Variants in ART4 observed in about 807,000 individuals in gnomAD.
ART4 encodes the protein ecto-ADP-ribosyltransferase 4.
In ART4, 14 loss-of-function variants were observed where a neutral mutation model predicts 24.2. The ratio of observed to expected loss-of-function variants is 0.58; its 90% CI spans 0.38 to 0.90. The LOEUF is 0.90. ART4 is among the 40% of genes least tolerant of loss of function. The pLI is 0.00. For missense variants in ART4, 356 were observed against 366.6 expected, an observed-to-expected ratio of 0.97 and a Z score of 0.24; for synonymous variants, 145 against 139.9, an observed-to-expected ratio of 1.04 and a Z score of -0.26.
At chr12:14,836,485 A>G (rs1267421312) in intron 2 of ART4, among the ~76,000 whole-genome samples, 2 of 152,190 alleles carry the variant, frequency 1.3e-5, no homozygotes, top group African/African-American at 2.4e-5. Flanking sequence ...AGAATGGCAT[A>G]CCATTTAAAA....
chr12:14,836,369 G>A (rs1045639632), intron 2 of ART4, among the ~76,000 whole-genome samples: 14 of 151,964 alleles, frequency 9.2e-5, no homozygotes, highest in Admixed American at 6.6e-4. Context: ...CTGCAGTACC[G>A]AGACAGCAGA....
chr12:14,842,794 T>G (rs1169794458), intron 1 of ART4, among the ~76,000 whole-genome samples, 176 bp downstream of exon 1: 1 of 152,220 alleles, frequency 6.6e-6, no homozygotes, highest in Non-Finnish European at 1.5e-5. Context: ...CAGTGAAGGA[T>G]TCTACAATTT....
chr12:14,839,376 G>A (rs149947994), intron 2 of ART4, among the ~76,000 whole-genome samples: 7 of 152,284 alleles, frequency 4.6e-5, no homozygotes, highest in Non-Finnish European at 7.3e-5. Flanking sequence ...GTCTTAGTCT[G>A]TTTTCTGTTG....
chr12:14,841,094 G>A lies in ART4; in HGVS notation c.204C>T (p.Gly68=), dbSNP rs1379360965. The change falls in exon 2 of 3, where the codon GGC becomes GGT. Residue 68 remains glycine (G), a synonymous_variant. Coordinates refer to ENST00000228936, the MANE Select transcript of ART4 (RefSeq NM_021071.4). ...APGSFDDQYQ[G]CSKQVMEKLT... ...GTTTCTCCATAACCTGTTTGCTACAGCCTTGGTACTGATCATCAAAAGAAC... is the reference window on the plus strand; with the variant it reads ...GTTTCTCCATAACCTGTTTGCTACAACCTTGGTACTGATCATCAAAAGAAC... 1 of 1,611,050 alleles carries A rather than the reference G, an allele frequency of 6.2e-7. No homozygotes were observed. Among genetic ancestry groups the A allele is most frequent in the African/African-American group, 1.3e-5 (1 of 74,740 alleles).
intron 2 of ART4, among the ~76,000 whole-genome samples, chr12:14,835,496 T>C (rs867091484): frequency 2.0e-5 from 3 of 151,664 alleles, no homozygotes; most frequent in African/African-American, 7.3e-5. Context: ...ATAAATCACT[T>C]TAAGGACCTT....
chr12:14,827,693 T>C lies in ART4; in HGVS notation c.*1678A>G, dbSNP rs991398416. Reference sequence around the variant, plus strand: ...CTGGGATTACAGGGGTGAGCCACCATGCCTGGCAGAAATTCTTTCCTTTAT... The same window carrying C: ...CTGGGATTACAGGGGTGAGCCACCACGCCTGGCAGAAATTCTTTCCTTTAT... On this transcript the variant is annotated 3_prime_UTR_variant, in exon 3 of 3. Transcript: ENST00000228936. The C allele has an allele frequency of 6.6e-5, 10 of 152,232 alleles. No individual in the cohort carries two copies. The highest frequency in any genetic ancestry group is 1.0e-4 in the Non-Finnish European group (7 of 68,106). The allele number at this position is 152,232 out of a possible 1,614,324, so 9.4% of individuals were successfully genotyped here. A position where few individuals can be genotyped will look rare whatever the true frequency, so the allele number is the denominator to read the frequency against.
chr12:14,831,292 A>G (rs1331733677), intron 2 of ART4, among the ~76,000 whole-genome samples: 3 of 132,178 alleles, frequency 2.3e-5, no homozygotes, highest in Non-Finnish European at 4.7e-5. Context: ...TTTTTTTGAG[A>G]TGGGTCTTGC....
Position 14,835,628 on chromosome 12 carries a change from C to T in ART4, c.853+4817G>A, listed in dbSNP as rs1453665015. Among the ~76,000 whole-genome samples the T allele has an allele frequency of 5.4e-5, 8 of 148,348 alleles. No homozygotes were observed. The East Asian group carries it at 7.9e-4, about 15-fold the overall frequency. ...AATCAAACTTTTTTTTTTTTTTTGA[C>T]GGAGTCTCATTCTGTTGCCCAGGCT... On this transcript the variant is annotated intron_variant, in intron 2 of 2. Coordinates refer to ENST00000228936, the MANE Select transcript of ART4 (RefSeq NM_021071.4).
At chr12:14,835,298 G>A (rs1203455956) in intron 2 of ART4, among the ~76,000 whole-genome samples, 1 of 152,166 alleles carries the variant, frequency 6.6e-6, no homozygotes, top group African/African-American at 2.4e-5. Context: ...TGGGGTTAGT[G>A]GAGCAGTGAA....
intron 2 of ART4, among the ~76,000 whole-genome samples, chr12:14,833,525 C>T (rs1950409909): frequency 6.6e-6 from 1 of 152,170 alleles, no homozygotes; most frequent in Admixed American, 6.6e-5. Context: ...GAGTCAATAA[C>T]CTGACTTACA....
intron 1 of ART4, among the ~76,000 whole-genome samples, 159 bp downstream of exon 1, chr12:14,842,811 A>C (rs1012600234): frequency 9.2e-5 from 14 of 152,222 alleles, no homozygotes; most frequent in Non-Finnish European, 1.9e-4. Flanking sequence ...ATTTTTCATA[A>C]CTGTTTTCAA....
chr12:14,843,210 G>C lies in ART4; in HGVS notation c.-97C>G, dbSNP rs951100248. ...TTGAGGTTTTCTTTCAGTCTCATCCGTAACCGTTTTTTCCCCTGTCTATGC... is the reference window on the plus strand; with the variant it reads ...TTGAGGTTTTCTTTCAGTCTCATCCCTAACCGTTTTTTCCCCTGTCTATGC... On this transcript the variant is annotated 5_prime_UTR_variant, in exon 1 of 3. Transcript: ENST00000228936. The C allele has an allele frequency of 6.6e-7, 1 of 1,503,784 alleles. No homozygotes were observed. Among genetic ancestry groups the C allele is most frequent in the South Asian group, 1.3e-5 (1 of 77,848 alleles). 93.2% of individuals were successfully genotyped at this position (1,503,784 alleles called of 1,614,324 possible). A position where few individuals can be genotyped will look rare whatever the true frequency, so the allele number is the denominator to read the frequency against.
chr12:14,835,946 C>T (rs1950427908), intron 2 of ART4, among the ~76,000 whole-genome samples: 2 of 152,088 alleles, frequency 1.3e-5, no homozygotes, highest in South Asian at 4.1e-4. Flanking sequence ...GATATTGTGT[C>T]CTGTCCAAGA....
Position 14,840,444 on chromosome 12 carries a change from C to A in ART4, c.853+1G>T. 2 of 1,599,664 alleles carry A rather than the reference C, an allele frequency of 1.3e-6. No individual in the cohort carries two copies. ...GTGGCCTCAATTTAGATAAAGAATA[C>A]CTTTTAGCAGCTGACAGTTATATGT... On this transcript the variant is annotated splice_donor_variant, in intron 2 of 2. Transcript: ENST00000228936. LOFTEE classifies it high-confidence loss of function.
At chr12:14,836,927 G>A (rs572389901) in intron 2 of ART4, among the ~76,000 whole-genome samples, 4 of 151,978 alleles carry the variant, frequency 2.6e-5, no homozygotes, top group Non-Finnish European at 5.9e-5. Context: ...TTCAAAGGAG[G>A]CACTTTCTCT....
At chr12:14,836,728 A>G (rs1950433517) in intron 2 of ART4, among the ~76,000 whole-genome samples, 1 of 152,138 alleles carries the variant, frequency 6.6e-6, no homozygotes, top group South Asian at 2.1e-4. Context: ...CAAAGGAAGA[A>G]AGGCATCCCT....
At chr12:14,837,672 C>T (rs906724695) in intron 2 of ART4, among the ~76,000 whole-genome samples, 1 of 152,108 alleles carries the variant, frequency 6.6e-6, no homozygotes, top group African/African-American at 2.4e-5. Flanking sequence ...TGCCATGATA[C>T]CTGGCTACTT....
intron 2 of ART4, among the ~76,000 whole-genome samples, chr12:14,831,929 A>C (rs892923374): frequency 1.3e-5 from 2 of 151,298 alleles, no homozygotes; most frequent in Admixed American, 1.3e-4. Flanking sequence ...GTCATTCTTC[A>C]CTCTTCTTTT....
chr12:14,836,184 G>A (rs1950429659), intron 2 of ART4, among the ~76,000 whole-genome samples: 2 of 152,082 alleles, frequency 1.3e-5, no homozygotes, highest in Admixed American at 1.3e-4. Flanking sequence ...CATTTTTACA[G>A]TAGATCTTAG....
Sources: gnomAD v4.1 joint callset for allele counts (sites outside exome capture counted in the v4.1 genomes callset) on GRCh38, gnomAD v4.1.1 for gene constraint, MANE v1.5 for transcripts, NCBI Gene and HGNC (gene_info 2026-07-23, HGNC 2026-07-21) for gene names.